Variants in SLC39A6 observed in about 807,000 individuals in gnomAD.
SLC39A6 encodes zinc transporter ZIP6.
A neutral mutation model predicts 63.5 loss-of-function variants in SLC39A6; 51 were observed. The observed-to-expected ratio is 0.80, with a 90% confidence interval of 0.64 to 1.01. The LOEUF is 1.01. Among genes scored for constraint, SLC39A6 ranks in the 50% least tolerant of loss-of-function variants. The pLI is 0.00. For synonymous variants in SLC39A6, 318 were observed against 324.7 expected (o/e 0.98, Z 0.22); for missense variants, 805 against 927.8 (o/e 0.87, Z 1.72).
chr18:36,120,312 C>G (rs1025577016), intron 5 of SLC39A6, among the ~76,000 whole-genome samples: 12 of 151,926 alleles, frequency 7.9e-5, no homozygotes, highest in Admixed American at 2.0e-4. Flanking sequence ...AGAAACAGTC[C>G]AAGGGAAGCA....
chr18:36,118,528 C>G (rs2089366261), intron 5 of SLC39A6, among the ~76,000 whole-genome samples: 1 of 152,218 alleles, frequency 6.6e-6, no homozygotes, highest in East Asian at 1.9e-4. Flanking sequence ...AGGCAGCATT[C>G]CAGGCAGGGA....
intron 3 of SLC39A6, among the ~76,000 whole-genome samples, chr18:36,124,222 C>T (rs2089416590): frequency 6.6e-6 from 1 of 152,042 alleles, no homozygotes. Flanking sequence ...TAAATGAACC[C>T]AAGACCTCTT....
At chr18:36,125,782 C>G (rs1328762040) in intron 2 of SLC39A6, among the ~76,000 whole-genome samples, 1 of 152,156 alleles carries the variant, frequency 6.6e-6, no homozygotes, top group Non-Finnish European at 1.5e-5. Flanking sequence ...CATGGTGGAC[C>G]TTCTGTCAAG....
Position 36,117,465 on chromosome 18 carries a change from A to G in SLC39A6, c.1360-686T>C, listed in dbSNP as rs80267107. Among the ~76,000 whole-genome samples, 1,268 of 152,310 alleles carry G rather than the reference A, an allele frequency of 8.3e-3. 28 individuals are homozygous for G. Among genetic ancestry groups the G allele is most frequent in the African/African-American group, 0.029 (1,205 of 41,552 alleles). ...ACAAGCCTCTATTAACCCTGAATTC[A>G]TCACTGGGCTTTTTAACCATCCCAA... On this transcript the variant is annotated intron_variant, in intron 5 of 9. Transcript: ENST00000269187.
rs769456548 is a variant in SLC39A6, at chr18:36,126,343, G to T, written c.665C>A (p.Thr222Asn). The change falls in exon 2 of 10, where the codon ACT (threonine) becomes AAT (asparagine). Residue 222 changes from threonine (T) to asparagine (N), a missense_variant. Around this residue, in one of 4 missense-constraint regions of SLC39A6, gnomAD observed 639 missense variants for 644.0 expected, o/e 0.99. Coordinates refer to ENST00000269187, the MANE Select transcript of SLC39A6 (RefSeq NM_012319.4). The part of the protein sequence containing the change: ...KLFPKDVSSS[T>N]PPSVTSKSRV... Reference sequence around the variant, plus strand: ...GCTCTTTGATGTGACACTGGGTGGAGTGGAGCTGCTTACATCTTTGGGGAA... The same window carrying T: ...GCTCTTTGATGTGACACTGGGTGGATTGGAGCTGCTTACATCTTTGGGGAA... The T allele has an allele frequency of 1.8e-5, 29 of 1,614,132 alleles. No homozygotes were observed. In the East Asian group the frequency reaches 5.6e-4, roughly 31 times the overall value.
chr18:36,114,514 C>G, intron 6 of SLC39A6, 40 bp from the exon 7 acceptor site: 1 of 1,500,258 alleles, frequency 6.7e-7, no homozygotes, highest in South Asian at 1.2e-5. Context: ...AGTTAGAAGG[C>G]TTTGTTAATG....
At chr18:36,109,942 A>C (rs1430621031) in intron 9 of SLC39A6, among the ~76,000 whole-genome samples, 197 bp from the exon 10 acceptor site, 1 of 152,198 alleles carries the variant, frequency 6.6e-6, no homozygotes, top group Non-Finnish European at 1.5e-5. Context: ...GCAGTTTAAC[A>C]ATGATTACTC....
chr18:36,114,444 T>C lies in SLC39A6; in HGVS notation c.1496A>G (p.Gln499Arg), dbSNP rs200254261. 1.2e-6 allele frequency: 2 copies of C among 1,613,558 alleles called. No individual in the cohort carries two copies. Among genetic ancestry groups the C allele is most frequent in the Non-Finnish European group, 8.5e-7 (1 of 1,179,896 alleles). Residue 499 changes from glutamine (Q) to arginine (R), a missense_variant, in exon 7 of 10, where the codon CAA becomes CGA. This residue lies in a region of SLC39A6 where 639 missense variants were observed against 644.0 expected (regional missense o/e 0.99). Coordinates refer to ENST00000269187, the MANE Select transcript of SLC39A6 (RefSeq NM_012319.4). ...CTGAGAATCAAAGTGGGAGGGCTCT[T>C]GTGAGTCTGCTCGTAAATAGCCTTC... ...RTEGYLRADS[Q>R]EPSHFDSQQP...
At chr18:36,111,508 G>A (rs1365838622) in intron 8 of SLC39A6, among the ~76,000 whole-genome samples, 1 of 124,964 alleles carries the variant, frequency 8.0e-6, no homozygotes, top group Non-Finnish European at 1.6e-5. Flanking sequence ...TTTTGAGACA[G>A]TATCTTGCTC....
In SLC39A6 at chr18:36,122,397, G is replaced by C. The variant is rs953602384; in HGVS notation, c.1141-127C>G. 5 of 704,326 alleles carry C rather than the reference G, an allele frequency of 7.1e-6. No homozygotes were observed. The Admixed American group carries it at 1.0e-4, about 14-fold the overall frequency. The allele number at this position is 704,326 out of a possible 1,614,324, so 43.6% of individuals were successfully genotyped here. On this transcript the variant is annotated intron_variant, in intron 4 of 9. Coordinates refer to ENST00000269187, the MANE Select transcript of SLC39A6 (RefSeq NM_012319.4). ...ATTATTCAGATACTTCAGAGATGAGGTGAAGTTTAGGACATTAAAAATAAA... is the reference window on the plus strand; with the variant it reads ...ATTATTCAGATACTTCAGAGATGAGCTGAAGTTTAGGACATTAAAAATAAA...
intron 8 of SLC39A6, among the ~76,000 whole-genome samples, chr18:36,112,228 C>G (rs182092595): frequency 6.6e-6 from 1 of 152,300 alleles, no homozygotes; most frequent in Non-Finnish European, 1.5e-5. Context: ...CAAAGAAGAA[C>G]AATATTGAAA....
chr18:36,124,431 G>A (rs147035840), intron 3 of SLC39A6, 89 bp downstream of exon 3: 2 of 822,236 alleles, frequency 2.4e-6, no homozygotes, highest in African/African-American at 1.7e-5. Context: ...AATTGTACTG[G>A]AAAACAAATA....
chr18:36,119,606 AACTC>A (rs1299784227), intron 5 of SLC39A6, among the ~76,000 whole-genome samples: 4 of 150,048 alleles, frequency 2.7e-5, no homozygotes, highest in Non-Finnish European at 4.4e-5. Context: ...TTGATTTTAC[AACTC>A]ACTAACAATC....
At chr18:36,120,838 T>A (rs575589947) in intron 5 of SLC39A6, among the ~76,000 whole-genome samples, 1 of 152,254 alleles carries the variant, frequency 6.6e-6, no homozygotes, top group Admixed American at 6.5e-5. Flanking sequence ...ACTTGGAAGA[T>A]TCAAAGGCAA....
At chr18:36,111,338 T>G in intron 8 of SLC39A6, 89 bp from the exon 9 acceptor site, 2 of 1,348,040 alleles carry the variant, frequency 1.5e-6, no homozygotes, top group Non-Finnish European at 2.0e-6. Flanking sequence ...TTAAGAAAAT[T>G]TTCCAGTGTT....
Position 36,109,672 on chromosome 18 carries a change from G to C in SLC39A6, c.2189C>G (p.Ala730Gly). The C allele has an allele frequency of 6.2e-7, 1 of 1,611,594 alleles. No homozygotes were observed. Residue 730 changes from alanine (A) to glycine (G), a missense_variant, in exon 10 of 10, where the codon GCT becomes GGT. Transcript: ENST00000269187. ...AATTCCAAAACCCAAAAGCATCCCA[G>C]CATTCTGTAAAAAGAAATACCCCCA... is the stretch of plus-strand genomic sequence containing the variant. ...SRWGYFFLQN[A>G]GMLLGFGIML...
In SLC39A6 at chr18:36,126,760, C is replaced by T; in HGVS notation, c.248G>A (p.Gly83Asp). 3.1e-6 allele frequency: 5 copies of T among 1,614,076 alleles called. No individual in the cohort carries two copies. Among genetic ancestry groups the T allele is most frequent in the Non-Finnish European group, 4.2e-6 (5 of 1,180,012 alleles). Residue 83 changes from glycine to aspartate, a missense_variant, in exon 2 of 10, where the codon GGC becomes GAC. Gly to Asp is a moderately conservative substitution (Grantham distance 94, BLOSUM62 -1). Around this residue, in one of 4 missense-constraint regions of SLC39A6, gnomAD observed 639 missense variants for 644.0 expected, o/e 0.99. Transcript: ENST00000269187. ...EGFRKLLQNI[G>D]IDKIKRIHIH... ...ATGGATTCTTTTAATCTTATCTATG[C>T]CTATATTTTGAAGTAATTTTCTGAA...
At chr18:36,110,955 AC>A in intron 9 of SLC39A6, 103 bp downstream of exon 9, 1 of 1,498,210 alleles carries the variant, frequency 6.7e-7, no homozygotes, top group Non-Finnish European at 8.9e-7. Context: ...GCAAGATTCC[AC>A]TTCCTGCTCC....
intron 5 of SLC39A6, among the ~76,000 whole-genome samples, chr18:36,117,847 T>C (rs953942218): frequency 2.6e-5 from 4 of 151,968 alleles, no homozygotes; most frequent in South Asian, 4.1e-4. Context: ...CTGGCTAACA[T>C]GGTGAAACCC....
Sources: allele counts gnomAD v4.1 joint callset (sites outside exome capture counted in the v4.1 genomes callset), GRCh38; gene constraint gnomAD v4.1.1; regional missense constraint gnomAD v4.1.1; transcripts MANE v1.5; gene names NCBI Gene and HGNC (gene_info 2026-07-23, HGNC 2026-07-21).